Variants in DLGAP2 observed in about 807,000 individuals in gnomAD.
DLGAP2 encodes the protein disks large-associated protein 2.
In DLGAP2, 26 loss-of-function variants were observed where a neutral mutation model predicts 100.3. The observed-to-expected ratio is 0.26, with a 90% CI of 0.19 to 0.36. The LOEUF (loss-of-function observed/expected upper bound fraction) is 0.36, where lower values mean the gene tolerates loss of function less well. DLGAP2 is among the 10% of genes least tolerant of loss of function. DLGAP2 has a pLI of 1.00. For missense variants in DLGAP2, 1,858 were observed against 1,453.2 expected, an observed-to-expected ratio of 1.28 and a Z score of -4.53; for synonymous variants, 886 against 630.1, an observed-to-expected ratio of 1.41 and a Z score of -6.08.
Position 1,430,011 on chromosome 8 carries a change from T to TATATATATATATATACAC in DLGAP2, c.107-71340_107-71339insCACATATATATATATATA, listed in dbSNP as rs1554467360. On this transcript the variant is annotated intron_variant, in intron 3 of 14. Coordinates refer to ENST00000637795, the MANE Select transcript of DLGAP2 (RefSeq NM_001346810.2). ...GGGGAGAGATGCATATATATACATA[T>TATATATATATATATACAC]ATATATATATATATATACACACACA... Among the ~76,000 whole-genome samples the TATATATATATATATACAC allele has an allele frequency of 1.4e-4, 9 of 63,956 alleles. 1 individual carries two copies. The highest frequency in any genetic ancestry group is 2.0e-4 in the Non-Finnish European group (6 of 30,000). 42.0% of individuals were successfully genotyped at this position (63,956 alleles called of 152,430 possible).
chr8:888,889 G>T (rs1334706274), intron 1 of DLGAP2, among the ~76,000 whole-genome samples: 1 of 152,140 alleles, frequency 6.6e-6, no homozygotes, highest in Non-Finnish European at 1.5e-5. Flanking sequence ...ATGCTTGTCC[G>T]TGTGAAGAGA....
At chr8:1,074,327 C>G (rs112920964) in intron 2 of DLGAP2, among the ~76,000 whole-genome samples, 1,000 of 112,524 alleles carry the variant, frequency 8.9e-3, no homozygotes, top group Admixed American at 0.017. Flanking sequence ...TTGCAGCAGA[C>G]TGAGGCTGAA....
chr8:942,249 C>T, intron 2 of DLGAP2, among the ~76,000 whole-genome samples: 1 of 152,216 alleles, frequency 6.6e-6, no homozygotes, highest in Non-Finnish European at 1.5e-5. Flanking sequence ...GGGCCCAGCC[C>T]TGAGCATTTC....
intron 1 of DLGAP2, chr8:821,996 C>G (rs913078545): frequency 2.5e-6 from 1 of 396,794 alleles, no homozygotes; most frequent in Non-Finnish European, 4.4e-6. Flanking sequence ...ATTGCTTAGT[C>G]TCACTTTTTA....
At chr8:777,159 A>G (rs534809409) in intron 1 of DLGAP2, among the ~76,000 whole-genome samples, 1 of 152,050 alleles carries the variant, frequency 6.6e-6, no homozygotes, top group Admixed American at 6.6e-5. Flanking sequence ...TTTATCAGAG[A>G]CTAGGATTGC....
chr8:1,318,909 A>C (rs950183157), intron 3 of DLGAP2, among the ~76,000 whole-genome samples: 4 of 151,744 alleles, frequency 2.6e-5, no homozygotes, highest in Non-Finnish European at 4.4e-5. Flanking sequence ...GGGTCCCCAT[A>C]GATTTTAGGA....
intron 2 of DLGAP2, among the ~76,000 whole-genome samples, chr8:1,084,572 C>G (rs532565991): frequency 1.4e-4 from 21 of 152,350 alleles, no homozygotes; most frequent in Admixed American, 1.2e-3. Flanking sequence ...CTTCTCCTCA[C>G]TGCTTCTGTG....
At chr8:1,078,497 C>G (rs762335866) in intron 2 of DLGAP2, among the ~76,000 whole-genome samples, 7 of 152,182 alleles carry the variant, frequency 4.6e-5, no homozygotes, top group Non-Finnish European at 1.0e-4. Flanking sequence ...ATGGCGTATG[C>G]CCACCCTGGC....
chr8:874,640 T>G (rs1339458461), intron 1 of DLGAP2, among the ~76,000 whole-genome samples: 1 of 152,228 alleles, frequency 6.6e-6, no homozygotes, highest in Admixed American at 6.5e-5. Flanking sequence ...ATATGGTATA[T>G]TCTGGGAATG....
At chr8:1,603,167 C>CGT (rs1796682652) in intron 6 of DLGAP2, among the ~76,000 whole-genome samples, 1 of 128,102 alleles carries the variant, frequency 7.8e-6, no homozygotes, top group African/African-American at 3.0e-5. Context: ...CTCAGTTCTA[C>CGT]AGAGGCTGGT....
chr8:1,552,343 A>G (rs1392498664), intron 5 of DLGAP2, among the ~76,000 whole-genome samples: 1 of 152,206 alleles, frequency 6.6e-6, no homozygotes, highest in Admixed American at 6.5e-5. Context: ...TCCGCCTCCC[A>G]GTGAAACCAC....
intron 3 of DLGAP2, among the ~76,000 whole-genome samples, chr8:1,262,810 G>T (rs1018710777): frequency 2.6e-5 from 4 of 152,134 alleles, no homozygotes; most frequent in African/African-American, 9.7e-5. Flanking sequence ...AAGCTTTATT[G>T]ACAGATGCAT....
chr8:1,054,969 G>A (rs1585018336), intron 2 of DLGAP2, among the ~76,000 whole-genome samples: 1 of 152,206 alleles, frequency 6.6e-6, no homozygotes, highest in Non-Finnish European at 1.5e-5. Flanking sequence ...TCCTCATGAA[G>A]CAATAATCGC....
At chr8:1,050,753 T>C (rs1368711772) in intron 2 of DLGAP2, among the ~76,000 whole-genome samples, 2 of 152,200 alleles carry the variant, frequency 1.3e-5, no homozygotes, top group Admixed American at 1.3e-4. Context: ...CTGGCTGTTT[T>C]CTCAGGAACT....
intron 3 of DLGAP2, among the ~76,000 whole-genome samples, chr8:1,260,540 G>A (rs1231456172): frequency 1.3e-5 from 2 of 152,098 alleles, no homozygotes; most frequent in Non-Finnish European, 2.9e-5. Flanking sequence ...GTTTGGAGGC[G>A]AGGGTTTGGA....
chr8:1,584,417 C>G (rs1194289124), intron 6 of DLGAP2, among the ~76,000 whole-genome samples: 2 of 152,188 alleles, frequency 1.3e-5, no homozygotes. Context: ...ACCTGCAGTT[C>G]TTCAGTTAAT....
At chr8:1,563,791 A>G (rs1802278633) in intron 5 of DLGAP2, among the ~76,000 whole-genome samples, 1 of 152,120 alleles carries the variant, frequency 6.6e-6, no homozygotes, top group Non-Finnish European at 1.5e-5. Context: ...TTCAGCCAGA[A>G]GACCTGCCTT....
chr8:1,029,578 G>A (rs918934018), intron 2 of DLGAP2, among the ~76,000 whole-genome samples: 1 of 131,266 alleles, frequency 7.6e-6, no homozygotes, highest in African/African-American at 3.4e-5. Flanking sequence ...GGATGGGATG[G>A]CCAAGGGCGT....
chr8:1,497,884 G>A (rs184697550), intron 3 of DLGAP2, among the ~76,000 whole-genome samples: 59 of 152,314 alleles, frequency 3.9e-4, no homozygotes, highest in African/African-American at 1.2e-3. Flanking sequence ...GTATTTTGAA[G>A]GGGTTTATTC....
Sources: allele counts gnomAD v4.1 joint callset (sites outside exome capture counted in the v4.1 genomes callset), GRCh38; gene constraint gnomAD v4.1.1; transcripts MANE v1.5; gene names NCBI Gene and HGNC (gene_info 2026-07-23, HGNC 2026-07-21).